The following PLEKHA6 variants were observed in gnomAD, a reference collection of about 807,000 sequenced individuals.
The protein encoded by PLEKHA6 is pleckstrin homology domain-containing family A member 6.
In PLEKHA6, 60 loss-of-function variants were observed where a neutral mutation model predicts 116.7. That is an observed-to-expected ratio of 0.51 (90% CI 0.42 to 0.64). The LOEUF (loss-of-function observed/expected upper bound fraction) is 0.64. PLEKHA6 is among the 30% of genes least tolerant of loss of function. The pLI, the probability that PLEKHA6 is intolerant of heterozygous loss-of-function variation, is 0.00. For missense variants in PLEKHA6, 1,338 were observed against 1,422.7 expected, an observed-to-expected ratio of 0.94 and a Z score of 0.96; for synonymous variants, 489 against 556.1, an observed-to-expected ratio of 0.88 and a Z score of 1.70.
chr1:204,289,411 ACCT>A (rs1669520578), intron 1 of PLEKHA6, among the ~76,000 whole-genome samples: 1 of 151,930 alleles, frequency 6.6e-6, no homozygotes, highest in Non-Finnish European at 1.5e-5. Context: ...AGTAGCTGGC[ACCT>A]CCTCCTTATC....
intron 1 of PLEKHA6, chr1:204,280,221 C>T (rs924773226): frequency 1.3e-6 from 1 of 758,790 alleles, no homozygotes; most frequent in African/African-American, 1.9e-5. Flanking sequence ...ATAGAGATAA[C>T]TCTGCATTGC....
intron 1 of PLEKHA6, among the ~76,000 whole-genome samples, chr1:204,345,313 C>T (rs760695728): frequency 6.6e-6 from 1 of 152,162 alleles, no homozygotes; most frequent in Non-Finnish European, 1.5e-5. Context: ...CACTCTACCC[C>T]CTCCCTGCAG....
chr1:204,333,753 C>T (rs995212930), intron 1 of PLEKHA6, among the ~76,000 whole-genome samples: 4 of 152,174 alleles, frequency 2.6e-5, no homozygotes, highest in Non-Finnish European at 5.9e-5. Flanking sequence ...CTGGGAGGAA[C>T]CTCCTGGCCC....
intron 1 of PLEKHA6, chr1:204,313,808 T>C (rs17333794): frequency 0.25 from 140,232 of 559,602 alleles, 17,634 homozygotes; most frequent in South Asian, 0.3. Context: ...TGCAGAAACC[T>C]GTTCAAGCCA....
intron 1 of PLEKHA6, among the ~76,000 whole-genome samples, chr1:204,325,254 A>G (rs1346447093): frequency 2.0e-5 from 3 of 152,222 alleles, no homozygotes. Context: ...GGGTCAGCCC[A>G]TAGAAAACGA....
At chr1:204,247,698 G>C (rs1210932455) in intron 12 of PLEKHA6, among the ~76,000 whole-genome samples, 3 of 152,102 alleles carry the variant, frequency 2.0e-5, no homozygotes, top group Non-Finnish European at 4.4e-5. Context: ...AAATGGAGAG[G>C]GATGATATCA....
chr1:204,368,315 G>C (rs973418969), intron 2 of PLEKHA6: 1 of 152,144 alleles, frequency 6.6e-6, no homozygotes, highest in African/African-American at 2.4e-5. Flanking sequence ...CCTAAGATCC[G>C]AGTAAGACTC....
chr1:204,273,723 G>C lies in PLEKHA6; in HGVS notation c.5C>G (p.Ser2Cys), dbSNP rs374244228. 1.9e-6 allele frequency: 3 copies of C among 1,612,764 alleles called. No homozygotes were observed. The highest frequency in any genetic ancestry group is 2.5e-6 in the Non-Finnish European group (3 of 1,178,806). M[S>C]NKTGGKRPAT... is the part of the protein sequence containing the mutation. Reference sequence around the variant, plus strand: ...CGGGCGTTTCCCACCTGTTTTATTGGACATGTCCAAGGTCGATCTGATTTC... The same window carrying C: ...CGGGCGTTTCCCACCTGTTTTATTGCACATGTCCAAGGTCGATCTGATTTC... The change falls in exon 3 of 23, where the codon TCC (serine) becomes TGC (cysteine). Residue 2 changes from serine (S) to cysteine (C), a missense_variant. Coordinates refer to ENST00000272203, the MANE Select transcript of PLEKHA6 (RefSeq NM_014935.5).
intron 17 of PLEKHA6, among the ~76,000 whole-genome samples, chr1:204,235,414 A>G (rs1362078986): frequency 6.6e-6 from 1 of 152,200 alleles, no homozygotes; most frequent in Non-Finnish European, 1.5e-5. Context: ...GACAGTGATG[A>G]AAGAAAATGA....
intron 15 of PLEKHA6, 43 bp from the exon 16 acceptor site, chr1:204,241,857 G>T: frequency 6.2e-7 from 1 of 1,608,892 alleles, no homozygotes; most frequent in Non-Finnish European, 8.5e-7. Context: ...TAGTATGGCT[G>T]TCAGGAACTT....
chr1:204,281,927 C>A (rs964764928), intron 1 of PLEKHA6, among the ~76,000 whole-genome samples: 1 of 152,156 alleles, frequency 6.6e-6, no homozygotes, highest in Non-Finnish European at 1.5e-5. Context: ...CTGTTATGGG[C>A]AGTTATGGAA....
At chr1:204,336,313 C>T (rs1419678816) in intron 1 of PLEKHA6, among the ~76,000 whole-genome samples, 1 of 152,222 alleles carries the variant, frequency 6.6e-6, no homozygotes, top group Non-Finnish European at 1.5e-5. Flanking sequence ...AGTGACAATC[C>T]AATCATGCCC....
At chr1:204,321,443 C>T (rs1320149041) in intron 1 of PLEKHA6, among the ~76,000 whole-genome samples, 3 of 151,574 alleles carry the variant, frequency 2.0e-5, no homozygotes, top group Non-Finnish European at 4.4e-5. Context: ...TCCCCTACTG[C>T]CCCCCTGCAG....
intron 1 of PLEKHA6, among the ~76,000 whole-genome samples, chr1:204,330,594 G>T (rs768315445): frequency 9.2e-5 from 14 of 151,688 alleles, no homozygotes; most frequent in Non-Finnish European, 1.9e-4. Flanking sequence ...TGGAGGTCCT[G>T]CTCTGGAGAA....
At chr1:204,341,909 G>A (rs1242554922) in intron 1 of PLEKHA6, among the ~76,000 whole-genome samples, 4 of 152,166 alleles carry the variant, frequency 2.6e-5, no homozygotes, top group South Asian at 2.1e-4. Flanking sequence ...ATGAGTGGCC[G>A]GGTGCAGTGG....
intron 1 of PLEKHA6, among the ~76,000 whole-genome samples, chr1:204,338,954 C>T (rs1355378778): frequency 6.6e-6 from 1 of 152,218 alleles, no homozygotes; most frequent in Non-Finnish European, 1.5e-5. Flanking sequence ...GTCAATTCCC[C>T]ACCCCGTGCA....
At chr1:204,336,563 C>CGTGTGTGT (rs10538125) in intron 1 of PLEKHA6, among the ~76,000 whole-genome samples, 2 of 148,924 alleles carry the variant, frequency 1.3e-5, no homozygotes, top group African/African-American at 4.9e-5. Flanking sequence ...GGTGTGTGAG[C>CGTGTGTGT]GTGTGTGTGT....
At chr1:204,306,885 C>T (rs1333795959) in intron 1 of PLEKHA6, among the ~76,000 whole-genome samples, 1 of 152,168 alleles carries the variant, frequency 6.6e-6, no homozygotes, top group African/African-American at 2.4e-5. Flanking sequence ...CCAGGGCTTA[C>T]CCTAGGGGCA....
intron 3 of PLEKHA6, among the ~76,000 whole-genome samples, chr1:204,270,144 T>C (rs1667297106): frequency 6.6e-6 from 1 of 152,228 alleles, no homozygotes; most frequent in Non-Finnish European, 1.5e-5. Context: ...CCTGAAACTC[T>C]TCTTTGGATT....
Sources: allele counts gnomAD v4.1 joint callset (sites outside exome capture counted in the v4.1 genomes callset), GRCh38; gene constraint gnomAD v4.1.1; transcripts MANE v1.5; gene names NCBI Gene and HGNC (gene_info 2026-07-23, HGNC 2026-07-21).